PTPRN2: variants seen among roughly 807,000 people sequenced by gnomAD.
PTPRN2 encodes protein tyrosine phosphatase receptor type N2.
PTPRN2 carries 74 observed loss-of-function variants against 118.8 expected under a neutral mutation model. The ratio of observed to expected loss-of-function variants is 0.62; its 90% CI spans 0.52 to 0.76. PTPRN2 has a LOEUF of 0.76. Among genes scored for constraint, PTPRN2 ranks in the 30% least tolerant of loss-of-function variants. PTPRN2 has a pLI of 0.00. For missense variants in PTPRN2, 1,481 were observed against 1,394.4 expected (o/e 1.06, Z -0.99); for synonymous variants, 641 against 608.0 (o/e 1.05, Z -0.80).
intron 2 of PTPRN2, among the ~76,000 whole-genome samples, chr7:158,407,278 G>C (rs1813614540): frequency 1.0e-5 from 1 of 100,204 alleles, no homozygotes; most frequent in Non-Finnish European, 2.0e-5. Context: ...TGGGTCCTGG[G>C]TCCTGGGTCC....
chr7:158,316,894 C>T lies in PTPRN2; in HGVS notation c.202G>A (p.Asp68Asn), dbSNP rs267601438. ...FGRCQKVPAM[D>N]FYRYEVSPVA... ...GGCGACACCTCGTAGCGGTAAAAGTCCATTGCCGGAACCTTCTGGCACCTT... is the reference window on the plus strand; with the variant it reads ...GGCGACACCTCGTAGCGGTAAAAGTTCATTGCCGGAACCTTCTGGCACCTT... Residue 68 changes from aspartate (D) to asparagine (N), a missense_variant, in exon 3 of 23, where the codon GAC (aspartate) becomes AAC (asparagine). Around this residue, in one of 3 missense-constraint regions of PTPRN2, gnomAD observed 1,115 missense variants for 994.2 expected, o/e 1.12. Coordinates refer to ENST00000389418, the MANE Select transcript of PTPRN2 (RefSeq NM_002847.5). 1 of 1,612,772 alleles carries T rather than the reference C, an allele frequency of 6.2e-7. No individual in the cohort carries two copies. Among genetic ancestry groups the T allele is most frequent in the Non-Finnish European group, 8.5e-7 (1 of 1,179,986 alleles).
At position 158,554,247 on chromosome 7, in the gene PTPRN2, A is replaced by C. The variant is rs144049502; in HGVS notation, c.112+33311T>G. ...GCCACTGCACTCCAGCCTGGGCGAA[A>C]GAGTGAGACTCCGTCTCAAACAACA... On this transcript the variant is annotated intron_variant, in intron 1 of 22. Transcript: ENST00000389418. 8.6e-3 allele frequency among the ~76,000 whole-genome samples: 1,306 copies of C among 152,316 alleles called. 19 individuals are homozygous for C. Among genetic ancestry groups the C allele is most frequent in the African/African-American group, 0.03 (1,232 of 41,550 alleles).
intron 12 of PTPRN2, among the ~76,000 whole-genome samples, chr7:157,744,895 C>T (rs899996409): frequency 6.6e-6 from 1 of 152,202 alleles, no homozygotes; most frequent in African/African-American, 2.4e-5. Context: ...GTGTTCACTT[C>T]AGCCGCACCC....
intron 3 of PTPRN2, among the ~76,000 whole-genome samples, chr7:158,256,315 CCCGCGG>C (rs201104970): frequency 0.029 from 4,449 of 152,250 alleles, 93 homozygotes; most frequent in Middle Eastern, 0.044. Context: ...TGGCAGGGAC[CCCGCGG>C]CTGCCTCTGC....
At chr7:157,774,539 G>A (rs781373105) in intron 12 of PTPRN2, among the ~76,000 whole-genome samples, 3 of 152,260 alleles carry the variant, frequency 2.0e-5, no homozygotes, top group African/African-American at 4.8e-5. Flanking sequence ...ATCTCTGCAC[G>A]CAGTTCATAA....
intron 3 of PTPRN2, among the ~76,000 whole-genome samples, chr7:158,218,190 G>C (rs149714043): frequency 2.0e-5 from 3 of 152,230 alleles, no homozygotes; most frequent in African/African-American, 7.2e-5. Context: ...AGCAGCTATA[G>C]AGAAAGGGCA....
Position 157,827,824 on chromosome 7 carries a change from C to T in PTPRN2, c.1788+70849G>A, listed in dbSNP as rs149092193. On this transcript the variant is annotated intron_variant, in intron 12 of 22. Transcript: ENST00000389418. Reference sequence around the variant, plus strand: ...CGGCTGTGATGCTTTGACTCAGGGACGGCCACCGTGTCACGGGCTGTTCCC... The same window carrying T: ...CGGCTGTGATGCTTTGACTCAGGGATGGCCACCGTGTCACGGGCTGTTCCC... Among the ~76,000 whole-genome samples, 323 of 152,346 alleles carry T rather than the reference C, an allele frequency of 2.1e-3. 1 individual carries two copies. Among genetic ancestry groups the T allele is most frequent in the African/African-American group, 7.4e-3 (307 of 41,580 alleles).
rs866785630 is a variant in PTPRN2, at chr7:158,320,049, T to A, written c.164-3117A>T. 2.4e-3 allele frequency among the ~76,000 whole-genome samples: 33 copies of A among 13,878 alleles called. 3 individuals are homozygous for A. Among genetic ancestry groups the A allele is most frequent in the Non-Finnish European group, 3.9e-3 (25 of 6,446 alleles). The allele number at this position is 13,878 out of a possible 152,430, so 9.1% of individuals were successfully genotyped here. A position where few individuals can be genotyped will look rare whatever the true frequency, so the allele number is the denominator to read the frequency against. On this transcript the variant is annotated intron_variant, in intron 2 of 22. Coordinates refer to ENST00000389418, the MANE Select transcript of PTPRN2 (RefSeq NM_002847.5). The stretch of plus-strand genomic sequence containing the variant: ...CACACACAGCCTCCCTCACACACAC[T>A]CACAGTCTCCCTCACACACACACAC...
At chr7:157,939,210 G>T (rs1245927051) in intron 11 of PTPRN2, among the ~76,000 whole-genome samples, 1 of 152,172 alleles carries the variant, frequency 6.6e-6, no homozygotes, top group Non-Finnish European at 1.5e-5. Context: ...GTTAAGTAAA[G>T]CACGCAGGTC....
rs113756016 is a variant in PTPRN2, at chr7:157,609,637, C to T, written c.2345-5562G>A. Among the ~76,000 whole-genome samples, 3,010 of 152,250 alleles carry T rather than the reference C, an allele frequency of 0.02. 38 individuals are homozygous for T. Among genetic ancestry groups the T allele is most frequent in the Non-Finnish European group, 0.027 (1,862 of 68,020 alleles). On this transcript the variant is annotated intron_variant, in intron 15 of 22. Coordinates refer to ENST00000389418, the MANE Select transcript of PTPRN2 (RefSeq NM_002847.5). The surrounding 1 kb of genome is among the most constrained non-coding windows in gnomAD (Gnocchi z 4.9). ...GACTCCCAGCCCCACTGCTTGCCAG[C>T]GGGCGATCCTGGGTAAACTGTTCAG...
At chr7:158,053,866 AGAGACCCCAGAGATG>A in intron 11 of PTPRN2, among the ~76,000 whole-genome samples, 2 of 146,110 alleles carry the variant, frequency 1.4e-5, no homozygotes, top group African/African-American at 5.4e-5. Flanking sequence ...CCAGAGACGC[AGAGACCCCAGAGATG>A]CAGAGACCCC....
At chr7:157,776,278 A>C (rs948728359) in intron 12 of PTPRN2, among the ~76,000 whole-genome samples, 35 of 56,594 alleles carry the variant, frequency 6.2e-4, no homozygotes, top group African/African-American at 1.2e-3. Flanking sequence ...CTTCCTCTTC[A>C]CCTCCTCCCT....
At chr7:158,358,806 C>A (rs1333275927) in intron 2 of PTPRN2, among the ~76,000 whole-genome samples, 1 of 152,186 alleles carries the variant, frequency 6.6e-6, no homozygotes, top group Non-Finnish European at 1.5e-5. Context: ...GGGGAGTCAG[C>A]ATTAATGCGC....
chr7:157,646,785 C>T (rs1805108775), intron 14 of PTPRN2, among the ~76,000 whole-genome samples: 1 of 152,364 alleles, frequency 6.6e-6, no homozygotes, highest in Non-Finnish European at 1.5e-5. Context: ...AGGACGGATA[C>T]TTGGGTCTGC....
At chr7:158,343,565 G>T (rs1807238863) in intron 2 of PTPRN2, among the ~76,000 whole-genome samples, 1 of 152,162 alleles carries the variant, frequency 6.6e-6, no homozygotes, top group South Asian at 2.1e-4. Flanking sequence ...CCCAATACCT[G>T]CAAGCAGGGC....
chr7:157,545,773 C>G (rs1585010496), intron 22 of PTPRN2, among the ~76,000 whole-genome samples: 3 of 152,110 alleles, frequency 2.0e-5, no homozygotes, highest in Admixed American at 6.5e-5. Context: ...TGCGGTCATC[C>G]TGGTCATGGT....
chr7:158,518,817 T>C (rs1181734852), intron 1 of PTPRN2, among the ~76,000 whole-genome samples: 1 of 152,080 alleles, frequency 6.6e-6, no homozygotes, highest in Non-Finnish European at 1.5e-5. Context: ...AAACCCCGTC[T>C]CTATAAAAAG....
chr7:157,998,511 C>T (rs1025031897), intron 11 of PTPRN2, among the ~76,000 whole-genome samples: 2 of 152,258 alleles, frequency 1.3e-5, no homozygotes, highest in African/African-American at 2.4e-5. Context: ...AAATGTAGAC[C>T]GAATAAGCTA....
At chr7:158,207,761 GA>G (rs1186968270) in intron 3 of PTPRN2, among the ~76,000 whole-genome samples, 12 of 152,090 alleles carry the variant, frequency 7.9e-5, no homozygotes, top group African/African-American at 2.9e-4. Context: ...GACTATCCAG[GA>G]AAACATGACC....
Sources: gnomAD v4.1 joint callset for allele counts (sites outside exome capture counted in the v4.1 genomes callset) on GRCh38, gnomAD v4.1.1 for gene constraint, gnomAD v4.1.1 regional missense constraint, Gnocchi (gnomAD v3.1) non-coding constraint, MANE v1.5 for transcripts, NCBI Gene and HGNC (gene_info 2026-07-23, HGNC 2026-07-21) for gene names.